The following GLIS3 variants were observed in gnomAD, a reference collection of about 807,000 sequenced individuals.
GLIS3 encodes GLIS family zinc finger 3.
GLIS3 carries 53 observed loss-of-function variants against 78.6 expected under a neutral mutation model. The ratio of observed to expected loss-of-function variants is 0.67; its 90% CI spans 0.54 to 0.85. The LOEUF (loss-of-function observed/expected upper bound fraction) is 0.85. GLIS3 is among the 40% of genes least tolerant of loss of function. The pLI, the probability that GLIS3 is intolerant of heterozygous loss-of-function variation, is 0.00. For missense variants in GLIS3, 1,703 were observed against 1,231.1 expected, an observed-to-expected ratio of 1.38 and a Z score of -5.74; for synonymous variants, 684 against 509.9, an observed-to-expected ratio of 1.34 and a Z score of -4.60.
the GLIS3 span, among the ~76,000 whole-genome samples, chr9:4,480,195 GCTTT>G: frequency 3.0e-3 from 431 of 143,366 alleles, 12 homozygotes; most frequent in African/African-American, 0.01. Context: ...TCCAGGCTGG[GCTTT>G]CTTTTTTTTT....
At chr9:3,869,356 G>C (rs1461618143) in intron 8 of GLIS3, among the ~76,000 whole-genome samples, 1 of 152,132 alleles carries the variant, frequency 6.6e-6, no homozygotes, top group East Asian at 1.9e-4. Context: ...GGAGAGGAAA[G>C]AACAGCAAAG....
At chr9:3,983,857 G>T (rs1819511027) in intron 4 of GLIS3, among the ~76,000 whole-genome samples, 1 of 152,210 alleles carries the variant, frequency 6.6e-6, no homozygotes, top group African/African-American at 2.4e-5. Flanking sequence ...GAAATTTGCA[G>T]CCTGAAAATG....
chr9:4,357,368 C>T, the GLIS3 span, among the ~76,000 whole-genome samples: 1 of 152,148 alleles, frequency 6.6e-6, no homozygotes, highest in Non-Finnish European at 1.5e-5. Flanking sequence ...AAGGAAGAAT[C>T]CCCTCTCTGA....
chr9:4,302,517 A>T (rs570644706), upstream of GLIS3, among the ~76,000 whole-genome samples: 10 of 152,244 alleles, frequency 6.6e-5, no homozygotes, highest in African/African-American at 2.4e-4. Context: ...CCAGTGTCTT[A>T]GTTGTAGCAA....
In GLIS3 at chr9:4,118,975, T is replaced by C. The variant is rs561256966; in HGVS notation, c.597-94A>G. The C allele has an allele frequency of 7.7e-7, 1 of 1,292,596 alleles. No homozygotes were observed. Among genetic ancestry groups the C allele is most frequent in the African/African-American group, 1.5e-5 (1 of 67,888 alleles). 80.1% of individuals were successfully genotyped at this position (1,292,596 alleles called of 1,614,324 possible). On this transcript the variant is annotated intron_variant, in intron 3 of 10. Coordinates refer to ENST00000381971, the MANE Select transcript of GLIS3 (RefSeq NM_001042413.2). The surrounding 1 kb of genome is among the most constrained non-coding windows in gnomAD (Gnocchi z 4.7). ...AGCTAAAAGAACACTGCATTGACAA[T>C]CCCTTAAGTATTTCCCCTAATTACA...
chr9:4,258,533 C>T (rs1825201986), intron 2 of GLIS3, among the ~76,000 whole-genome samples: 1 of 152,062 alleles, frequency 6.6e-6, no homozygotes, highest in South Asian at 2.1e-4. Flanking sequence ...TAAAATTATC[C>T]TGAAAGAAAA....
At chr9:4,344,606 A>G (rs1478658103) in intron 2 of GLIS3, among the ~76,000 whole-genome samples, 1 of 152,164 alleles carries the variant, frequency 6.6e-6, no homozygotes, top group Non-Finnish European at 1.5e-5. Context: ...ATCTATGCTA[A>G]TAACTCCCAA....
At chr9:4,289,676 C>CAAGAAA (rs1445721641) in intron 1 of GLIS3, among the ~76,000 whole-genome samples, 3 of 151,946 alleles carry the variant, frequency 2.0e-5, no homozygotes, top group Non-Finnish European at 4.4e-5. Context: ...ACAAAAGAAA[C>CAAGAAA]AAGAAAAAGA....
At chr9:4,462,832 A>C in the GLIS3 span, among the ~76,000 whole-genome samples, 1 of 152,190 alleles carries the variant, frequency 6.6e-6, no homozygotes, top group Non-Finnish European at 1.5e-5. Flanking sequence ...AAGAAGAAAA[A>C]GTCTGGTCCT....
chr9:4,458,100 GCT>G, the GLIS3 span, among the ~76,000 whole-genome samples: 1 of 152,028 alleles, frequency 6.6e-6, no homozygotes, highest in African/African-American at 2.4e-5. Flanking sequence ...GGAGACTCAA[GCT>G]CAGCCAGAAC....
At chr9:4,480,356 C>T in the GLIS3 span, among the ~76,000 whole-genome samples, 1 of 152,006 alleles carries the variant, frequency 6.6e-6, no homozygotes, top group African/African-American at 2.4e-5. Flanking sequence ...AGGCATGTGC[C>T]ATCACACCTG....
intron 2 of GLIS3, among the ~76,000 whole-genome samples, chr9:4,273,576 G>A (rs1826713658): frequency 6.8e-6 from 1 of 147,936 alleles, no homozygotes; most frequent in Non-Finnish European, 1.5e-5. Flanking sequence ...CTGGGTGACA[G>A]AGCAAGACCT....
chr9:3,916,500 C>G (rs1824522999), intron 6 of GLIS3, among the ~76,000 whole-genome samples: 1 of 152,254 alleles, frequency 6.6e-6, no homozygotes, highest in Non-Finnish European at 1.5e-5. Flanking sequence ...CACTCGTGGT[C>G]TCAAAAGTTT....
intron 1 of GLIS3, among the ~76,000 whole-genome samples, chr9:4,294,992 C>A (rs940982037): frequency 6.6e-6 from 1 of 152,132 alleles, no homozygotes; most frequent in Admixed American, 6.5e-5. Context: ...GCTTATGGAA[C>A]CAGTTTAATT....
intron 4 of GLIS3, among the ~76,000 whole-genome samples, chr9:4,307,758 C>G (rs1241370475): frequency 6.6e-6 from 1 of 152,070 alleles, no homozygotes; most frequent in Admixed American, 6.5e-5. Flanking sequence ...TTTGAAGGTG[C>G]AGGAAGGAGC....
intron 6 of GLIS3, among the ~76,000 whole-genome samples, chr9:3,920,609 GTTT>G (rs34014322): frequency 2.3e-5 from 3 of 127,814 alleles, no homozygotes; most frequent in African/African-American, 3.0e-5. Flanking sequence ...AAAAGAACAG[GTTT>G]TTTTTTTTTT....
intron 4 of GLIS3, among the ~76,000 whole-genome samples, chr9:4,021,055 G>C (rs765251072): frequency 3.7e-4 from 56 of 152,176 alleles, no homozygotes; most frequent in Admixed American, 9.2e-4. Context: ...TGCAGTTCTT[G>C]GATAAGTCCC....
chr9:4,195,273 C>T (rs918599024), intron 2 of GLIS3, among the ~76,000 whole-genome samples: 2 of 152,166 alleles, frequency 1.3e-5, no homozygotes, highest in Non-Finnish European at 2.9e-5. Context: ...AGAGCTGCTC[C>T]CTTGGCTTGC....
chr9:4,317,480 G>A (rs950756996), intron 2 of GLIS3, among the ~76,000 whole-genome samples: 2 of 152,226 alleles, frequency 1.3e-5, no homozygotes, highest in African/African-American at 4.8e-5. Context: ...TTAGGAAGCA[G>A]ATGTCTTTTT....
Sources: allele counts gnomAD v4.1 joint callset (sites outside exome capture counted in the v4.1 genomes callset), GRCh38; gene constraint gnomAD v4.1.1; non-coding constraint Gnocchi (gnomAD v3.1); transcripts MANE v1.5; gene names NCBI Gene and HGNC (gene_info 2026-07-23, HGNC 2026-07-21).